Variants in SLCO3A1 observed in about 807,000 individuals in gnomAD.
SLCO3A1 encodes the protein solute carrier organic anion transporter family member 3A1.
Under a neutral mutation model 63.1 loss-of-function variants are expected in SLCO3A1, and 27 were observed. The observed-to-expected ratio is 0.43, with a 90% CI of 0.32 to 0.59. The LOEUF (loss-of-function observed/expected upper bound fraction) is 0.59. Ranked by LOEUF, SLCO3A1 falls within the 20% of genes least tolerant of loss-of-function variation. SLCO3A1 has a pLI of 0.09. For synonymous variants in SLCO3A1, 473 were observed against 409.9 expected, an observed-to-expected ratio of 1.15 and a Z score of -1.86; for missense variants, 773 against 945.8, an observed-to-expected ratio of 0.82 and a Z score of 2.40.
At chr15:91,919,093 G>C (rs1898756057) in intron 2 of SLCO3A1, among the ~76,000 whole-genome samples, 1 of 152,276 alleles carries the variant, frequency 6.6e-6, no homozygotes, top group Non-Finnish European at 1.5e-5. Flanking sequence ...CTGCAGATCA[G>C]TGGTGATGAC....
intron 2 of SLCO3A1, among the ~76,000 whole-genome samples, chr15:92,058,958 C>T (rs574119598): frequency 6.6e-6 from 1 of 152,314 alleles, no homozygotes; most frequent in Admixed American, 6.5e-5. Flanking sequence ...GTATTTAGAG[C>T]CTATCCTGAG....
chr15:92,102,114 C>G (rs1314225331), intron 3 of SLCO3A1, among the ~76,000 whole-genome samples: 1 of 152,116 alleles, frequency 6.6e-6, no homozygotes, highest in African/African-American at 2.4e-5. Flanking sequence ...TCAATTCCCC[C>G]TTTATGGAGC....
rs917208072 is a variant in SLCO3A1 at position 92,033,387 on chromosome 15, C to T, written c.647-61494C>T. On this transcript the variant is annotated intron_variant, in intron 2 of 9. Transcript: ENST00000318445. This position sits in a 1 kb window ranked among gnomAD's most constrained non-coding sequence, Gnocchi z 4.5. ...GGGTAACTTCCTCCTCTTGCATTCTCCCTCCAACTCTCTTCCCCTTAGTGG... is the reference window on the plus strand; with the variant it reads ...GGGTAACTTCCTCCTCTTGCATTCTTCCTCCAACTCTCTTCCCCTTAGTGG... Among the ~76,000 whole-genome samples the T allele has an allele frequency of 6.6e-5, 10 of 152,314 alleles. No homozygotes were observed. Among genetic ancestry groups the T allele is most frequent in the Admixed American group, 2.6e-4 (4 of 15,304 alleles).
chr15:91,888,276 T>A (rs1263319148), intron 1 of SLCO3A1, among the ~76,000 whole-genome samples: 1 of 152,196 alleles, frequency 6.6e-6, no homozygotes, highest in Admixed American at 6.5e-5. Context: ...GAATGGGGTG[T>A]GGGTTCAGAG....
chr15:91,853,814 C>T lies in SLCO3A1; in HGVS notation c.-95C>T. The T allele has an allele frequency of 8.9e-7, 1 of 1,121,376 alleles. No individual in the cohort carries two copies. Among genetic ancestry groups the T allele is most frequent in the Non-Finnish European group, 1.1e-6 (1 of 917,304 alleles). The allele number at this position is 1,121,376 out of a possible 1,614,324, so 69.5% of individuals were successfully genotyped here. On this transcript the variant is annotated 5_prime_UTR_variant, in exon 1 of 10. Transcript: ENST00000318445. ...AACCCGGGGCGGGGACAGCACGCAG[C>T]CTCGAGGCGCGCACCCCCGCCCGGC...
intron 2 of SLCO3A1, among the ~76,000 whole-genome samples, chr15:92,071,855 G>C (rs1363455726): frequency 1.3e-5 from 2 of 152,238 alleles, no homozygotes; most frequent in East Asian, 3.8e-4. Flanking sequence ...AGACCACACT[G>C]GATGTGTCTT....
At chr15:92,051,213 C>T (rs142245950) in intron 2 of SLCO3A1, among the ~76,000 whole-genome samples, 4 of 152,294 alleles carry the variant, frequency 2.6e-5, no homozygotes, top group African/African-American at 4.8e-5. Flanking sequence ...GCAGTGGTAA[C>T]ATTTGAGCTG....
At chr15:92,067,730 C>G (rs756036413) in intron 2 of SLCO3A1, among the ~76,000 whole-genome samples, 1 of 152,204 alleles carries the variant, frequency 6.6e-6, no homozygotes. Flanking sequence ...AGCTACTAGC[C>G]GGCTTGGAAG....
chr15:91,971,183 C>CAGGAGAT (rs1221292253), intron 2 of SLCO3A1, among the ~76,000 whole-genome samples: 8 of 151,764 alleles, frequency 5.3e-5, no homozygotes, highest in Admixed American at 5.3e-4. Flanking sequence ...ATCATGGGAT[C>CAGGAGAT]AGGAGATCGA....
chr15:92,165,896 A>T lies in SLCO3A1; in HGVS notation c.*2761A>T. 1.0e-6 allele frequency: 1 copy of T among 985,368 alleles called. No individual in the cohort carries two copies. The highest frequency in any genetic ancestry group is 1.2e-6 in the Non-Finnish European group (1 of 829,860). The allele number at this position is 985,368 out of a possible 1,614,324, so 61.0% of individuals were successfully genotyped here. Reference sequence around the variant, plus strand: ...AATGTACGGGATGGAATAAACCTAGAAAGTGAATGCTAGAGTTCTCTCTCT... The same window carrying T: ...AATGTACGGGATGGAATAAACCTAGTAAGTGAATGCTAGAGTTCTCTCTCT... On this transcript the variant is annotated 3_prime_UTR_variant, in exon 10 of 10. Coordinates refer to ENST00000318445, the MANE Select transcript of SLCO3A1 (RefSeq NM_013272.4).
chr15:92,047,570 A>AAATATAT, intron 2 of SLCO3A1, among the ~76,000 whole-genome samples: 1 of 7,896 alleles, frequency 1.3e-4, no homozygotes, highest in East Asian at 4.0e-3. Context: ...ATATATATAT[A>AAATATAT]AATATATATA....
intron 2 of SLCO3A1, among the ~76,000 whole-genome samples, chr15:91,965,950 G>C (rs1467135375): frequency 6.6e-6 from 1 of 152,166 alleles, no homozygotes; most frequent in African/African-American, 2.4e-5. Flanking sequence ...CCCTCAAGGA[G>C]ATTGTGTGAA....
chr15:91,979,633 A>G (rs1477239226), intron 2 of SLCO3A1, among the ~76,000 whole-genome samples: 3 of 152,222 alleles, frequency 2.0e-5, no homozygotes, highest in Non-Finnish European at 2.9e-5. Flanking sequence ...CTGGGTTTAA[A>G]TCACTGTTCT....
intron 2 of SLCO3A1, among the ~76,000 whole-genome samples, chr15:92,075,097 T>A (rs1274734662): frequency 6.6e-6 from 1 of 152,142 alleles, no homozygotes; most frequent in Non-Finnish European, 1.5e-5. Flanking sequence ...AGCAGCTCAC[T>A]ACCCCTCTGA....
rs1039409180 is a variant in SLCO3A1, at chr15:92,163,492, G to GATACAC, written c.*369_*374dup. ...CCAGCTTGGAGGATGGACATTTCTG[G>GATACAC]ATACACATACACATACAAAACAGAA... On this transcript the variant is annotated 3_prime_UTR_variant, in exon 10 of 10. Coordinates refer to ENST00000318445, the MANE Select transcript of SLCO3A1 (RefSeq NM_013272.4). 2.0e-6 allele frequency: 2 copies of GATACAC among 1,011,164 alleles called. No homozygotes were observed. Among genetic ancestry groups the GATACAC allele is most frequent in the Non-Finnish European group, 1.2e-6 (1 of 848,176 alleles). The allele number at this position is 1,011,164 out of a possible 1,614,324, so 62.6% of individuals were successfully genotyped here. A position where few individuals can be genotyped will look rare whatever the true frequency, so the allele number is the denominator to read the frequency against.
intron 7 of SLCO3A1, among the ~76,000 whole-genome samples, chr15:92,136,691 T>C (rs1015911202): frequency 6.6e-6 from 1 of 152,212 alleles, no homozygotes; most frequent in African/African-American, 2.4e-5. Flanking sequence ...AGCCAAAAAG[T>C]ATAAAAAGGA....
Position 92,165,185 on chromosome 15 carries a change from G to A in SLCO3A1, c.*2050G>A, listed in dbSNP as rs796171761. ...AGCTGTGTCGTGGTATGGGGCCACCGTGATCAGCTACCTGGGGCAGGATGC... is the reference window on the plus strand; with the variant it reads ...AGCTGTGTCGTGGTATGGGGCCACCATGATCAGCTACCTGGGGCAGGATGC... On this transcript the variant is annotated 3_prime_UTR_variant, in exon 10 of 10. Coordinates refer to ENST00000318445, the MANE Select transcript of SLCO3A1 (RefSeq NM_013272.4). 2.5e-5 allele frequency: 25 copies of A among 985,428 alleles called. No homozygotes were observed. The highest frequency in any genetic ancestry group is 5.2e-4 in the Middle Eastern group (1 of 1,914). The allele number at this position is 985,428 out of a possible 1,614,324, so 61.0% of individuals were successfully genotyped here.
intron 2 of SLCO3A1, among the ~76,000 whole-genome samples, chr15:91,921,786 G>T (rs1269507405): frequency 6.6e-6 from 1 of 151,328 alleles, no homozygotes; most frequent in Non-Finnish European, 1.5e-5. Flanking sequence ...CTGGAGCACA[G>T]TGGCGCCATC....
intron 1 of SLCO3A1, among the ~76,000 whole-genome samples, chr15:91,861,998 C>G (rs1025952488): frequency 4.6e-5 from 7 of 152,036 alleles, no homozygotes; most frequent in African/African-American, 1.7e-4. Context: ...GTGAACTCAT[C>G]TTTCCCTTTT....
Sources: gnomAD v4.1 joint callset for allele counts (sites outside exome capture counted in the v4.1 genomes callset) on GRCh38, gnomAD v4.1.1 for gene constraint, Gnocchi (gnomAD v3.1) non-coding constraint, MANE v1.5 for transcripts, NCBI Gene and HGNC (gene_info 2026-07-23, HGNC 2026-07-21) for gene names.